Variants in MDGA2 observed in about 807,000 individuals in gnomAD.
The protein encoded by MDGA2 is MAM domain containing glycosylphosphatidylinositol anchor 2, also known as MAM domain-containing glycosylphosphatidylinositol anchor protein 2.
A neutral mutation model predicts 117.8 loss-of-function variants in MDGA2; 40 were observed. That is an observed-to-expected ratio of 0.34 (90% CI 0.26 to 0.44). The LOEUF (loss-of-function observed/expected upper bound fraction) is 0.44, where lower values mean the gene tolerates loss of function less well. Ranked by LOEUF, MDGA2 falls within the 20% of genes least tolerant of loss-of-function variation. The pLI, the probability that MDGA2 is intolerant of heterozygous loss-of-function variation, is 1.00. For missense variants in MDGA2, 1,123 were observed against 1,250.6 expected, an observed-to-expected ratio of 0.90 and a Z score of 1.54; for synonymous variants, 452 against 439.0, an observed-to-expected ratio of 1.03 and a Z score of -0.37.
intron 1 of MDGA2, among the ~76,000 whole-genome samples, chr14:47,531,063 A>G (rs1049247631): frequency 2.0e-5 from 3 of 152,058 alleles, no homozygotes; most frequent in East Asian, 1.9e-4. Context: ...GGCTAACACG[A>G]TGAAACCCCG....
chr14:47,415,703 T>C (rs1362469139), intron 1 of MDGA2, among the ~76,000 whole-genome samples: 2 of 152,108 alleles, frequency 1.3e-5, no homozygotes, highest in Non-Finnish European at 2.9e-5. Context: ...ATTGGGTTAT[T>C]TATAAAGAAC....
At chr14:46,969,951 T>G (rs1329522898) in intron 8 of MDGA2, among the ~76,000 whole-genome samples, 1 of 23,912 alleles carries the variant, frequency 4.2e-5, no homozygotes, top group African/African-American at 1.7e-4. Flanking sequence ...TATATATATA[T>G]ATATATATAT....
intron 6 of MDGA2, among the ~76,000 whole-genome samples, chr14:47,068,714 T>A (rs1890171673): frequency 6.6e-6 from 1 of 152,156 alleles, no homozygotes; most frequent in African/African-American, 2.4e-5. Context: ...TAGAAACAGC[T>A]ATCAGATGAG....
At chr14:47,030,134 G>T (rs2138625913) in intron 8 of MDGA2, among the ~76,000 whole-genome samples, 1 of 151,950 alleles carries the variant, frequency 6.6e-6, no homozygotes, top group African/African-American at 2.4e-5. Context: ...ACATATCCTG[G>T]TTTCTTATTT....
chr14:47,321,054 T>C (rs1008878573), intron 1 of MDGA2, among the ~76,000 whole-genome samples: 3 of 152,164 alleles, frequency 2.0e-5, no homozygotes, highest in Non-Finnish European at 4.4e-5. Flanking sequence ...AGGAAACACA[T>C]GTAAAGCATA....
At chr14:47,035,640 A>G (rs1217487559) in intron 7 of MDGA2, among the ~76,000 whole-genome samples, 1 of 152,200 alleles carries the variant, frequency 6.6e-6, no homozygotes, top group Non-Finnish European at 1.5e-5. Flanking sequence ...AGTAGCATTC[A>G]GCTGTGTAGA....
intron 1 of MDGA2, among the ~76,000 whole-genome samples, chr14:47,376,972 T>A (rs1891493204): frequency 6.6e-6 from 1 of 151,972 alleles, no homozygotes; most frequent in South Asian, 2.1e-4. Flanking sequence ...ATAGAAAAAA[T>A]AAAGAACTTG....
chr14:47,059,374 G>A, intron 7 of MDGA2: 1 of 1,214,046 alleles, frequency 8.2e-7, no homozygotes. Flanking sequence ...ATCTCCAATA[G>A]TGTTACCTTG....
At chr14:47,330,459 G>A (rs931691048) in intron 1 of MDGA2, among the ~76,000 whole-genome samples, 3 of 151,816 alleles carry the variant, frequency 2.0e-5, no homozygotes, top group Non-Finnish European at 4.4e-5. Context: ...ATAATTCAAT[G>A]CACCATTAGA....
chr14:46,843,490 A>G (rs2138263888), intron 16 of MDGA2, among the ~76,000 whole-genome samples: 1 of 152,258 alleles, frequency 6.6e-6, no homozygotes, highest in African/African-American at 2.4e-5. Context: ...TGCATTAGAA[A>G]AACTGTTCTT....
At chr14:47,658,276 T>A (rs1000245057) in intron 1 of MDGA2, among the ~76,000 whole-genome samples, 59 of 152,100 alleles carry the variant, frequency 3.9e-4, no homozygotes, top group African/African-American at 1.4e-3. Flanking sequence ...TGACCCACTT[T>A]AAGTATGTGT....
intron 2 of MDGA2, chr14:47,299,544 A>C (rs987040529): frequency 6.6e-6 from 1 of 152,206 alleles, no homozygotes; most frequent in Admixed American, 6.5e-5. Flanking sequence ...CCATGTCTAC[A>C]AAACAAAAAA....
chr14:47,181,539 T>G (rs1448147606), intron 3 of MDGA2, among the ~76,000 whole-genome samples: 1 of 152,218 alleles, frequency 6.6e-6, no homozygotes, highest in Non-Finnish European at 1.5e-5. Context: ...AATCCTTTCA[T>G]TTATATCACT....
intron 2 of MDGA2, among the ~76,000 whole-genome samples, chr14:47,250,634 C>T (rs1459587447): frequency 2.0e-5 from 3 of 152,138 alleles, no homozygotes; most frequent in Non-Finnish European, 2.9e-5. Context: ...CCAGATCTTC[C>T]AGCACTTTGA....
chr14:46,911,718 C>T (rs546413019), intron 10 of MDGA2, among the ~76,000 whole-genome samples: 1 of 152,186 alleles, frequency 6.6e-6, no homozygotes, highest in East Asian at 1.9e-4. Context: ...GAGTAAAGAT[C>T]CCATGGCATA....
At chr14:47,530,351 C>G (rs1895070381) in intron 1 of MDGA2, among the ~76,000 whole-genome samples, 1 of 152,198 alleles carries the variant, frequency 6.6e-6, no homozygotes, top group Non-Finnish European at 1.5e-5. Flanking sequence ...TTGTAACCAG[C>G]TTTTCCTGCC....
intron 5 of MDGA2, among the ~76,000 whole-genome samples, chr14:47,119,635 C>A (rs531836505): frequency 2.0e-5 from 3 of 152,138 alleles, no homozygotes; most frequent in African/African-American, 7.2e-5. Flanking sequence ...TCACATTGAA[C>A]TAAGTTTAAA....
chr14:47,560,090 C>CG, intron 1 of MDGA2, among the ~76,000 whole-genome samples: 1 of 150,462 alleles, frequency 6.6e-6, no homozygotes, highest in African/African-American at 2.5e-5. Context: ...TTTTTTTAGA[C>CG]GGAGTCTCGT....
chr14:46,975,493 T>C (rs538489059), intron 8 of MDGA2, among the ~76,000 whole-genome samples: 6 of 152,228 alleles, frequency 3.9e-5, no homozygotes, highest in South Asian at 2.1e-4. Flanking sequence ...ATGCATACAA[T>C]AGAATATCAA....
Sources: gnomAD v4.1 joint callset for allele counts (sites outside exome capture counted in the v4.1 genomes callset) on GRCh38, gnomAD v4.1.1 for gene constraint, MANE v1.5 for transcripts, NCBI Gene and HGNC (gene_info 2026-07-23, HGNC 2026-07-21) for gene names.